Variants in SMAD3 observed in about 807,000 individuals in gnomAD.
SMAD3 encodes SMAD family member 3.
In SMAD3, 12 loss-of-function variants were observed where a neutral mutation model predicts 51.8. The ratio of observed to expected loss-of-function variants is 0.23; its 90% CI spans 0.15 to 0.38. SMAD3 has a LOEUF of 0.38. Among genes scored for constraint, SMAD3 ranks in the 10% least tolerant of loss-of-function variants. The pLI, the probability that SMAD3 is intolerant of heterozygous loss-of-function variation, is 1.00. For missense variants in SMAD3, 294 were observed against 565.6 expected, an observed-to-expected ratio of 0.52 and a Z score of 4.87; for synonymous variants, 238 against 227.7, an observed-to-expected ratio of 1.05 and a Z score of -0.41.
At chr15:67,157,659 G>A (rs780091539) in intron 1 of SMAD3, among the ~76,000 whole-genome samples, 2 of 152,190 alleles carry the variant, frequency 1.3e-5, no homozygotes, top group South Asian at 2.1e-4. Flanking sequence ...GTGGCTGATC[G>A]GTGGAAGTGC....
chr15:67,071,705 G>C (rs1308632755), intron 1 of SMAD3, among the ~76,000 whole-genome samples: 1 of 152,108 alleles, frequency 6.6e-6, no homozygotes, highest in African/African-American at 2.4e-5. Flanking sequence ...CCAGCTACTC[G>C]GGAGGCTGAG....
At chr15:67,095,989 T>G (rs1268615102) in intron 1 of SMAD3, among the ~76,000 whole-genome samples, 1 of 151,698 alleles carries the variant, frequency 6.6e-6, no homozygotes, top group Non-Finnish European at 1.5e-5. Context: ...TGTGGGGGAG[T>G]TGAGTGAGAG....
intron 1 of SMAD3, among the ~76,000 whole-genome samples, chr15:67,094,196 C>T (rs945714413): frequency 1.3e-5 from 2 of 152,174 alleles, no homozygotes; most frequent in African/African-American, 4.8e-5. Flanking sequence ...CTCGGCGAGT[C>T]AGAAGATGTG....
At chr15:67,138,261 A>C in intron 1 of SMAD3, 5 of 589,490 alleles carry the variant, frequency 8.5e-6, no homozygotes, top group South Asian at 2.1e-5. Context: ...ACTGTAGGAA[A>C]CCCCCTGTGT....
At position 67,190,624 on chromosome 15, in the gene SMAD3, T is replaced by C. The variant is rs1963338377; in HGVS notation, c.*88T>C. ...AATTGGAACTCTACTCAACCCATTG[T>C]TGTCAAGGAAGAAGAAATCTTTCTC... On this transcript the variant is annotated 3_prime_UTR_variant, in exon 9 of 9. Coordinates refer to ENST00000327367, the MANE Select transcript of SMAD3 (RefSeq NM_005902.4). 1.4e-6 allele frequency: 2 copies of C among 1,401,648 alleles called. No homozygotes were observed. The highest frequency in any genetic ancestry group is 2.0e-6 in the Non-Finnish European group (2 of 996,812). The allele number at this position is 1,401,648 out of a possible 1,614,324, so 86.8% of individuals were successfully genotyped here.
rs781704227 is a variant in SMAD3, at chr15:67,066,412, C to T, written c.206+52C>T. The T allele has an allele frequency of 3.4e-6, 5 of 1,476,366 alleles. No individual in the cohort carries two copies. The South Asian group carries it at 3.5e-5, about 10-fold the overall frequency. 91.5% of individuals were successfully genotyped at this position (1,476,366 alleles called of 1,614,324 possible). The stretch of plus-strand genomic sequence containing the variant: ...GGGTCACGCCGGCCCAGCCCCCTGG[C>T]ACTGCGGGGCCGACCCAGTGGGGCT... On this transcript the variant is annotated intron_variant, in intron 1 of 8. Coordinates refer to ENST00000327367, the MANE Select transcript of SMAD3 (RefSeq NM_005902.4).
chr15:67,118,267 G>A (rs575956487), intron 1 of SMAD3, among the ~76,000 whole-genome samples: 1 of 152,372 alleles, frequency 6.6e-6, no homozygotes, highest in South Asian at 2.1e-4. Context: ...GTCCAGCCCA[G>A]CTGAGAGGAG....
chr15:67,092,162 A>T (rs1355404935), intron 1 of SMAD3, among the ~76,000 whole-genome samples: 3 of 152,188 alleles, frequency 2.0e-5, no homozygotes, highest in Non-Finnish European at 4.4e-5. Flanking sequence ...AGGCCTCCTG[A>T]TCTGGAGCCT....
At chr15:67,130,042 GTCT>G (rs1450136115) in intron 1 of SMAD3, among the ~76,000 whole-genome samples, 1 of 152,200 alleles carries the variant, frequency 6.6e-6, no homozygotes, top group African/African-American at 2.4e-5. Flanking sequence ...CCAGAGCTTG[GTCT>G]TCTTCCCATT....
chr15:67,191,144 C>CATA lies in SMAD3; in HGVS notation c.*609_*611dup. The CATA allele has an allele frequency of 4.6e-6, 1 of 215,394 alleles. No individual in the cohort carries two copies. Among genetic ancestry groups the CATA allele is most frequent in the Non-Finnish European group, 9.2e-6 (1 of 108,438 alleles). The allele number at this position is 215,394 out of a possible 1,614,324, so 13.3% of individuals were successfully genotyped here. ...TGTCTGTCTCCCTCCCCTCTCAGAA[C>CATA]ATACTGATTGGGAGGTGCGTGTTCA... On this transcript the variant is annotated 3_prime_UTR_variant, in exon 9 of 9. Coordinates refer to ENST00000327367, the MANE Select transcript of SMAD3 (RefSeq NM_005902.4).
At position 67,097,827 on chromosome 15, in the gene SMAD3, A is replaced by G. The variant is rs115545105; in HGVS notation, c.206+31467A>G. On this transcript the variant is annotated intron_variant, in intron 1 of 8. Transcript: ENST00000327367. ...TATCCTCTAGGAATCCTGGCCTTCAAGGTCTAACTTCCAAGATTCTGTGAG... is the reference window on the plus strand; with the variant it reads ...TATCCTCTAGGAATCCTGGCCTTCAGGGTCTAACTTCCAAGATTCTGTGAG... 3.6e-3 allele frequency among the ~76,000 whole-genome samples: 550 copies of G among 152,280 alleles called. 3 individuals carry two copies. The highest frequency in any genetic ancestry group is 0.013 in the African/African-American group (524 of 41,566).
At chr15:67,099,076 T>C in intron 1 of SMAD3, 3 of 697,844 alleles carry the variant, frequency 4.3e-6, no homozygotes, top group South Asian at 3.0e-5. Context: ...TGTTGATTCA[T>C]GTGTCAGCCT....
In SMAD3 at chr15:67,192,153, T is replaced by C; in HGVS notation, c.*1617T>C. On this transcript the variant is annotated 3_prime_UTR_variant, in exon 9 of 9. Coordinates refer to ENST00000327367, the MANE Select transcript of SMAD3 (RefSeq NM_005902.4). ...TGAAGGGAAGGAAGTGTATATACTT[T>C]TGGCAAGTCATACAGCTCAAATGTG... The C allele has an allele frequency of 4.3e-6, 1 of 232,704 alleles. No individual in the cohort carries two copies. Among genetic ancestry groups the C allele is most frequent in the Non-Finnish European group, 8.5e-6 (1 of 117,340 alleles). 14.4% of individuals were successfully genotyped at this position (232,704 alleles called of 1,614,324 possible). A position where few individuals can be genotyped will look rare whatever the true frequency, so the allele number is the denominator to read the frequency against.
chr15:67,133,908 G>A (rs1009602514), intron 1 of SMAD3, among the ~76,000 whole-genome samples: 4 of 152,114 alleles, frequency 2.6e-5, no homozygotes, highest in Non-Finnish European at 4.4e-5. Flanking sequence ...CAGGACCAGA[G>A]CTCTGCTTCT....
intron 1 of SMAD3, among the ~76,000 whole-genome samples, chr15:67,107,363 C>T (rs1031798372): frequency 2.6e-5 from 4 of 152,032 alleles, no homozygotes; most frequent in Admixed American, 1.3e-4. Flanking sequence ...CCACCTGCTG[C>T]GCCACTCCCA....
intron 1 of SMAD3, among the ~76,000 whole-genome samples, chr15:67,079,355 G>A (rs1021282793): frequency 3.3e-5 from 5 of 152,190 alleles, no homozygotes; most frequent in Middle Eastern, 3.4e-3. Context: ...GGGAGTTAAG[G>A]CTTCTAAGTT....
rs1046394441 is a variant in SMAD3 at position 67,192,275 on chromosome 15, T to C, written c.*1739T>C. The C allele has an allele frequency of 4.3e-6, 1 of 232,862 alleles. No individual in the cohort carries two copies. The highest frequency in any genetic ancestry group is 8.5e-6 in the Non-Finnish European group (1 of 117,638). The allele number at this position is 232,862 out of a possible 1,614,324, so 14.4% of individuals were successfully genotyped here. A position where few individuals can be genotyped will look rare whatever the true frequency, so the allele number is the denominator to read the frequency against. On this transcript the variant is annotated 3_prime_UTR_variant, in exon 9 of 9. Transcript: ENST00000327367. ...AAGTTCTAGCCATGAGGTTTCCAGG[T>C]AGGACAGCTGCTCCCCAAGCCTCCT...
intron 1 of SMAD3, among the ~76,000 whole-genome samples, chr15:67,112,456 C>T (rs190558457): frequency 0.01 from 1,355 of 132,758 alleles, 214 homozygotes; most frequent in Non-Finnish European, 0.014. Flanking sequence ...CCACCACACC[C>T]GGCTAGCCAT....
chr15:67,073,078 G>GCTGT (rs2140196176), intron 1 of SMAD3, among the ~76,000 whole-genome samples: 1 of 152,292 alleles, frequency 6.6e-6, no homozygotes, highest in East Asian at 1.9e-4. Context: ...TTGTAAGAAT[G>GCTGT]CTGTATGTGT....
Sources: gnomAD v4.1 joint callset for allele counts (sites outside exome capture counted in the v4.1 genomes callset) on GRCh38, gnomAD v4.1.1 for gene constraint, MANE v1.5 for transcripts, NCBI Gene and HGNC (gene_info 2026-07-23, HGNC 2026-07-21) for gene names.